MPP4: variants seen among roughly 807,000 people sequenced by gnomAD.
MPP4 encodes MAGUK p55 subfamily member 4.
A neutral mutation model predicts 98.3 loss-of-function variants in MPP4; 91 were observed. That is an observed-to-expected ratio of 0.93 (90% CI 0.78 to 1.10). MPP4 has a LOEUF of 1.10. MPP4 is among the 50% of genes least tolerant of loss of function. The pLI is 0.00. For synonymous variants in MPP4, 261 were observed against 271.8 expected (o/e 0.96, Z 0.39); for missense variants, 744 against 792.9 (o/e 0.94, Z 0.74).
chr2:201,680,926 G>A lies in MPP4; in HGVS notation c.841C>T (p.Gln281Ter), dbSNP rs367713475. 1.2e-6 allele frequency: 2 copies of A among 1,613,722 alleles called. No homozygotes were observed. Among genetic ancestry groups the A allele is most frequent in the Non-Finnish European group, 1.7e-6 (2 of 1,179,880 alleles). Reference protein sequence around the residue: ...QKGDILQIVDQNDALWWQARK... With the variant: ...QKGDILQIVD ...GCCTGCCACCAGAGGGCATCATTCT[G>A]GTCCACAATCTGGAGGATGTCCCCC... The change falls in exon 10 of 22, where the codon CAG becomes TAG. Residue 281 changes from glutamine to a stop codon, truncating the protein, a stop_gained. Coordinates refer to ENST00000409474, the MANE Select transcript of MPP4 (RefSeq NM_033066.3). LOFTEE classifies it high-confidence loss of function.
intron 20 of MPP4, among the ~76,000 whole-genome samples, 177 bp downstream of exon 20, chr2:201,649,399 A>G (rs1227434764): frequency 6.6e-6 from 1 of 152,222 alleles, no homozygotes; most frequent in Non-Finnish European, 1.5e-5. Context: ...TTCTTTCCCA[A>G]CTAAAAGTAA....
intron 6 of MPP4, 90 bp downstream of exon 6, chr2:201,685,829 G>T: frequency 6.7e-7 from 1 of 1,495,940 alleles, no homozygotes; most frequent in Non-Finnish European, 9.1e-7. Context: ...TCGCAGGCAA[G>T]GCTACTGCCC....
rs1689083395 is a variant in MPP4, at chr2:201,693,025, G to A, written c.84C>T (p.Leu28=). The A allele has an allele frequency of 1.9e-6, 3 of 1,611,874 alleles. No individual in the cohort carries two copies. Among genetic ancestry groups the A allele is most frequent in the Admixed American group, 1.7e-5 (1 of 59,782 alleles). Residue 28 remains leucine, a synonymous_variant, in exon 3 of 22, where the codon CTC becomes CTT. Coordinates refer to ENST00000409474, the MANE Select transcript of MPP4 (RefSeq NM_033066.3). ...GCAGCACAAGCCTCAGGATCTGGGA[G>A]AGGCCTAGGAAAGGAAGAGAGCAGA... ...LSTATNPQNG[L]SQILRLVLQE... is the part of the protein sequence containing the mutation.
intron 5 of MPP4, 24 bp from the exon 6 acceptor site, chr2:201,686,074 G>T: frequency 1.2e-6 from 2 of 1,607,432 alleles, no homozygotes; most frequent in South Asian, 2.2e-5. Context: ...AGGAAAAGGT[G>T]AGCAAATGTC....
At chr2:201,650,017 AT>A in intron 19 of MPP4, 54 bp downstream of exon 19, 8 of 1,458,764 alleles carry the variant, frequency 5.5e-6, no homozygotes, top group Non-Finnish European at 7.4e-6. Context: ...TAGGGAATCT[AT>A]TTCAAATGTA....
chr2:201,678,158 G>T (rs973739409), intron 10 of MPP4, among the ~76,000 whole-genome samples: 1 of 151,454 alleles, frequency 6.6e-6, no homozygotes, highest in East Asian at 1.9e-4. Context: ...ATCATTCTTT[G>T]TTTGTGTGCC....
rs1224397810 is a variant in MPP4 at position 201,685,907 on chromosome 2, T to G, written c.492+12A>C. On this transcript the variant is annotated intron_variant, in intron 6 of 21. Coordinates refer to ENST00000409474, the MANE Select transcript of MPP4 (RefSeq NM_033066.3). ...TTACCCTAAATGGAAAGATAAAAAA[T>G]GATTTCCTTACCAGGGGCTGTTGGT... 5 of 1,608,264 alleles carry G rather than the reference T, an allele frequency of 3.1e-6. No homozygotes were observed. Among genetic ancestry groups the G allele is most frequent in the Non-Finnish European group, 3.4e-6 (4 of 1,175,828 alleles).
At chr2:201,697,889 G>A in intron 1 of MPP4, 1 of 984,294 alleles carries the variant, frequency 1.0e-6, no homozygotes, top group Non-Finnish European at 1.2e-6. Context: ...CCTTAGTCCT[G>A]AAAGATGCTG....
intron 5 of MPP4, among the ~76,000 whole-genome samples, chr2:201,686,758 T>C (rs948025874): frequency 6.6e-6 from 1 of 152,184 alleles, no homozygotes; most frequent in Non-Finnish European, 1.5e-5. Context: ...GACTGATAAA[T>C]TTCAGCACTC....
chr2:201,696,188 C>G (rs1030304687), intron 1 of MPP4, among the ~76,000 whole-genome samples: 2 of 152,214 alleles, frequency 1.3e-5, no homozygotes, highest in Admixed American at 6.5e-5. Context: ...TAGGTTCTAC[C>G]AAAGCTTGAC....
intron 7 of MPP4, among the ~76,000 whole-genome samples, chr2:201,684,032 C>A (rs1388782635): frequency 1.3e-5 from 2 of 151,738 alleles, no homozygotes; most frequent in South Asian, 4.2e-4. Context: ...CCAGCCTGGG[C>A]AACATAGTGA....
chr2:201,671,716 A>G (rs188691339), intron 11 of MPP4, among the ~76,000 whole-genome samples: 67 of 152,340 alleles, frequency 4.4e-4, no homozygotes, highest in Non-Finnish European at 2.9e-5. Context: ...CTAAATATAT[A>G]TGCACCGAAT....
At chr2:201,674,319 T>C (rs764826877) in intron 11 of MPP4, among the ~76,000 whole-genome samples, 6 of 152,218 alleles carry the variant, frequency 3.9e-5, no homozygotes, top group African/African-American at 1.4e-4. Flanking sequence ...TAAGAACATA[T>C]GCATTTTCAT....
chr2:201,662,484 G>T (rs1478005543), intron 14 of MPP4, among the ~76,000 whole-genome samples: 1 of 123,066 alleles, frequency 8.1e-6, no homozygotes, highest in Non-Finnish European at 1.6e-5. Flanking sequence ...CTGGGTGACA[G>T]AGTGAGACTC....
chr2:201,694,985 G>A (rs924616104), intron 1 of MPP4, among the ~76,000 whole-genome samples: 7 of 152,228 alleles, frequency 4.6e-5, no homozygotes, highest in African/African-American at 1.7e-4. Context: ...TTATTTTAAT[G>A]TTTATTTTTG....
intron 14 of MPP4, 65 bp downstream of exon 14, chr2:201,664,016 T>C: frequency 8.0e-7 from 1 of 1,253,594 alleles, no homozygotes; most frequent in East Asian, 2.6e-5. Flanking sequence ...AATATGTGTA[T>C]AAATTGCATC....
At chr2:201,647,869 G>A in intron 20 of MPP4, 44 bp from the exon 21 acceptor site, 1 of 1,541,754 alleles carries the variant, frequency 6.5e-7, no homozygotes, top group Non-Finnish European at 8.8e-7. Flanking sequence ...TGTTTGTTTT[G>A]TTTTGAGACA....
chr2:201,675,134 A>T, intron 11 of MPP4, 73 bp downstream of exon 11: 1 of 1,461,058 alleles, frequency 6.8e-7, no homozygotes, highest in Non-Finnish European at 9.4e-7. Context: ...CATCAATTAG[A>T]CTCTTTATTT....
At chr2:201,677,849 T>C (rs74884572) in intron 10 of MPP4, among the ~76,000 whole-genome samples, 2,357 of 152,312 alleles carry the variant, frequency 0.015, 57 homozygotes, top group African/African-American at 0.054. Context: ...ACCTCATTTA[T>C]TGAGGCTCAG....
Sources: allele counts gnomAD v4.1 joint callset (sites outside exome capture counted in the v4.1 genomes callset), GRCh38; gene constraint gnomAD v4.1.1; transcripts MANE v1.5; gene names NCBI Gene and HGNC (gene_info 2026-07-23, HGNC 2026-07-21).